TUSC3: variants seen among roughly 807,000 people sequenced by gnomAD.
The protein encoded by TUSC3 is dolichyl-diphosphooligosaccharide--protein glycosyltransferase subunit TUSC3.
Under a neutral mutation model 44.8 loss-of-function variants are expected in TUSC3, and 45 were observed. The observed-to-expected ratio is 1.00, with a 90% CI of 0.79 to 1.29. The LOEUF is 1.29. Ranked by LOEUF, TUSC3 falls within the 50% of genes most tolerant of loss-of-function variation. TUSC3 has a pLI of 0.00. For missense variants in TUSC3, 519 were observed against 437.9 expected (o/e 1.19, Z -1.65); for synonymous variants, 212 against 152.9 (o/e 1.39, Z -2.85).
At chr8:15,479,745 G>C (rs1427918243) in intron 1 of TUSC3, among the ~76,000 whole-genome samples, 2 of 152,084 alleles carry the variant, frequency 1.3e-5, no homozygotes, top group African/African-American at 4.8e-5. Flanking sequence ...TTTTTGCTTA[G>C]GATCATCTTG....
At chr8:15,847,056 A>G in the TUSC3 span, among the ~76,000 whole-genome samples, 1 of 152,138 alleles carries the variant, frequency 6.6e-6, no homozygotes, top group East Asian at 1.9e-4. Context: ...AACAGCACAG[A>G]ATAGGGCCAT....
chr8:15,783,952 G>T, the TUSC3 span, among the ~76,000 whole-genome samples: 1 of 152,116 alleles, frequency 6.6e-6, no homozygotes, highest in African/African-American at 2.4e-5. Flanking sequence ...TTATGCATCA[G>T]ATAAAGTGCT....
chr8:15,592,444 C>T (rs763325573), intron 1 of TUSC3, among the ~76,000 whole-genome samples: 2 of 152,096 alleles, frequency 1.3e-5, no homozygotes, highest in Admixed American at 6.5e-5. Flanking sequence ...GGTGGTGGAT[C>T]CCTCATGAAT....
chr8:15,843,059 G>C, the TUSC3 span, among the ~76,000 whole-genome samples: 8 of 152,304 alleles, frequency 5.3e-5, no homozygotes, highest in East Asian at 1.4e-3. Context: ...AGGAAAGGAA[G>C]AGGAGCGAGG....
chr8:15,787,517 A>C, the TUSC3 span, among the ~76,000 whole-genome samples: 2 of 152,186 alleles, frequency 1.3e-5, no homozygotes, highest in African/African-American at 4.8e-5. Context: ...TATTTGAGGG[A>C]TTTTATGATG....
chr8:15,511,556 C>G (rs1050918418), intron 2 of TUSC3, among the ~76,000 whole-genome samples: 1 of 152,030 alleles, frequency 6.6e-6, no homozygotes, highest in African/African-American at 2.4e-5. Context: ...ATACTAAATA[C>G]AGATAAATTT....
chr8:15,617,132 G>GTGTGTGTGTGTA (rs375212684), intron 1 of TUSC3, among the ~76,000 whole-genome samples: 92 of 77,644 alleles, frequency 1.2e-3, no homozygotes, highest in African/African-American at 3.8e-3. Context: ...GTGTGTGTGT[G>GTGTGTGTGTGTA]TATATATTTT....
chr8:15,721,354 C>T (rs1810298114), intron 6 of TUSC3, among the ~76,000 whole-genome samples: 1 of 151,762 alleles, frequency 6.6e-6, no homozygotes, highest in Non-Finnish European at 1.5e-5. Flanking sequence ...AAATTTTAAG[C>T]CATAAAAGTT....
intron 6 of TUSC3, among the ~76,000 whole-genome samples, chr8:15,724,009 G>A (rs1415379175): frequency 1.3e-5 from 2 of 152,126 alleles, no homozygotes; most frequent in African/African-American, 4.8e-5. Context: ...CTGTTTGGAC[G>A]TGGGTCTTTA....
intron 1 of TUSC3, among the ~76,000 whole-genome samples, chr8:15,437,074 T>C (rs1385989708): frequency 6.6e-6 from 1 of 152,106 alleles, no homozygotes; most frequent in East Asian, 1.9e-4. Flanking sequence ...TTAAAGGAAA[T>C]TAGTCTTTTG....
chr8:15,749,699 A>G (rs1811607409), intron 9 of TUSC3, among the ~76,000 whole-genome samples: 1 of 150,604 alleles, frequency 6.6e-6, no homozygotes, highest in East Asian at 2.0e-4. Flanking sequence ...AAATAATCAA[A>G]TCCAAGATTA....
At chr8:15,782,303 T>C in the TUSC3 span, among the ~76,000 whole-genome samples, 902 of 152,190 alleles carry the variant, frequency 5.9e-3, 7 homozygotes, top group African/African-American at 0.021. Context: ...CAAGACTCCA[T>C]CTGTACAAAA....
At chr8:15,608,478 G>A (rs910200861) in intron 1 of TUSC3, among the ~76,000 whole-genome samples, 4 of 152,100 alleles carry the variant, frequency 2.6e-5, no homozygotes, top group Non-Finnish European at 4.4e-5. Flanking sequence ...GAAGTGTGAT[G>A]TAAGAAGTTT....
chr8:15,625,306 G>T (rs578011318), intron 2 of TUSC3, among the ~76,000 whole-genome samples: 1 of 152,132 alleles, frequency 6.6e-6, no homozygotes, highest in East Asian at 1.9e-4. Flanking sequence ...AGTTTTTATT[G>T]TTTATAGTGT....
intron 1 of TUSC3, among the ~76,000 whole-genome samples, chr8:15,437,953 A>G (rs1481665542): frequency 6.6e-6 from 1 of 152,236 alleles, no homozygotes; most frequent in Non-Finnish European, 1.5e-5. Flanking sequence ...AGAAGCAGGC[A>G]GAATAAAAGC....
intron 1 of TUSC3, among the ~76,000 whole-genome samples, chr8:15,551,134 T>C (rs1354285648): frequency 6.6e-6 from 1 of 151,768 alleles, no homozygotes; most frequent in African/African-American, 2.4e-5. Context: ...TTTCTGAACA[T>C]GGTAAATGCA....
In TUSC3 at chr8:15,764,365, T is replaced by G. The variant is rs1234073181; in HGVS notation, c.*209T>G. On this transcript the variant is annotated 3_prime_UTR_variant, in exon 11 of 11. Transcript: ENST00000503731. ...TAAACTGTGGGTTTTCCTAGTAAATTTAATTTACAGAAATCAATGGTAGCA... is the reference window on the plus strand; with the variant it reads ...TAAACTGTGGGTTTTCCTAGTAAATGTAATTTACAGAAATCAATGGTAGCA... 2 of 800,558 alleles carry G rather than the reference T, an allele frequency of 2.5e-6. No homozygotes were observed. Among genetic ancestry groups the G allele is most frequent in the East Asian group, 2.9e-5 (1 of 34,368 alleles). 49.6% of individuals were successfully genotyped at this position (800,558 alleles called of 1,614,324 possible).
chr8:15,847,085 T>C, the TUSC3 span, among the ~76,000 whole-genome samples: 1 of 152,096 alleles, frequency 6.6e-6, no homozygotes, highest in Non-Finnish European at 1.5e-5. Flanking sequence ...AAATTAGATA[T>C]ATCCGCAGTC....
intron 1 of TUSC3, among the ~76,000 whole-genome samples, chr8:15,582,159 G>C (rs1490335798): frequency 6.6e-6 from 1 of 152,216 alleles, no homozygotes; most frequent in Non-Finnish European, 1.5e-5. Context: ...GCCTCGCCCT[G>C]CTTCGGCTCG....
Sources: allele counts gnomAD v4.1 joint callset (sites outside exome capture counted in the v4.1 genomes callset), GRCh38; gene constraint gnomAD v4.1.1; transcripts MANE v1.5; gene names NCBI Gene and HGNC (gene_info 2026-07-23, HGNC 2026-07-21).